The following KCNQ5 variants were observed in gnomAD, a reference collection of about 807,000 sequenced individuals.
KCNQ5 encodes potassium voltage-gated channel subfamily Q member 5.
Under a neutral mutation model 98.2 loss-of-function variants are expected in KCNQ5, and 30 were observed. The ratio of observed to expected loss-of-function variants is 0.31; its 90% CI spans 0.23 to 0.41. The LOEUF is 0.41. Ranked by LOEUF, KCNQ5 falls within the 10% of genes least tolerant of loss-of-function variation. KCNQ5 has a pLI of 1.00. For synonymous variants in KCNQ5, 458 were observed against 449.4 expected (o/e 1.02, Z -0.24); for missense variants, 835 against 1,182.5 (o/e 0.71, Z 4.31).
At chr6:72,891,160 A>G (rs999607406) in intron 1 of KCNQ5, among the ~76,000 whole-genome samples, 1 of 152,232 alleles carries the variant, frequency 6.6e-6, no homozygotes, top group African/African-American at 2.4e-5. Flanking sequence ...GTGCTCACCA[A>G]TAACAAATCA....
intron 1 of KCNQ5, among the ~76,000 whole-genome samples, chr6:72,794,717 T>C (rs60456346): frequency 0.032 from 4,863 of 152,256 alleles, 248 homozygotes; most frequent in African/African-American, 0.11. Flanking sequence ...TCATCTCTTT[T>C]TTTATTGACC....
intron 8 of KCNQ5, 50 bp downstream of exon 8, chr6:73,120,627 G>T: frequency 7.9e-7 from 1 of 1,266,378 alleles, no homozygotes; most frequent in Non-Finnish European, 1.1e-6. Context: ...TTTCAAGTCT[G>T]TTAAACAAAC....
intron 1 of KCNQ5, among the ~76,000 whole-genome samples, chr6:72,804,489 G>T (rs1028418033): frequency 2.0e-5 from 3 of 151,956 alleles, no homozygotes; most frequent in Non-Finnish European, 2.9e-5. Context: ...CTATGTTGTT[G>T]CAAATGACAG....
intron 1 of KCNQ5, among the ~76,000 whole-genome samples, chr6:72,843,849 A>C (rs1776908233): frequency 6.6e-6 from 1 of 152,210 alleles, no homozygotes; most frequent in East Asian, 1.9e-4. Context: ...ATGGAATACT[A>C]TGCAGCATAA....
intron 1 of KCNQ5, among the ~76,000 whole-genome samples, chr6:72,785,465 AT>A: frequency 6.6e-6 from 1 of 152,218 alleles, no homozygotes; most frequent in South Asian, 2.1e-4. Flanking sequence ...CCTGTCCAAC[AT>A]AGTGATACCC....
At chr6:73,120,735 C>T (rs1318748861) in intron 8 of KCNQ5, among the ~76,000 whole-genome samples, 158 bp downstream of exon 8, 1 of 152,170 alleles carries the variant, frequency 6.6e-6, no homozygotes, top group African/African-American at 2.4e-5. Context: ...AGTTCTGGCA[C>T]AAAACTAAAT....
chr6:73,108,842 TA>T (rs1233252481), intron 6 of KCNQ5, among the ~76,000 whole-genome samples: 2 of 151,674 alleles, frequency 1.3e-5, no homozygotes, highest in Non-Finnish European at 2.9e-5. Flanking sequence ...AAATAAAAAA[TA>T]AAAAAAATAG....
chr6:72,671,918 A>T (rs1767130405), intron 1 of KCNQ5, among the ~76,000 whole-genome samples: 1 of 151,098 alleles, frequency 6.6e-6, no homozygotes. Context: ...CCAGGTTCAC[A>T]CCATTCTCCT....
intron 10 of KCNQ5, among the ~76,000 whole-genome samples, chr6:73,159,998 T>TTTGG (rs1777547213): frequency 1.2e-5 from 1 of 86,486 alleles, no homozygotes. Flanking sequence ...GTTTTTTTTG[T>TTTGG]TTGTTTGTTT....
chr6:73,107,125 G>A (rs1226257306), intron 6 of KCNQ5, among the ~76,000 whole-genome samples: 1 of 152,096 alleles, frequency 6.6e-6, no homozygotes, highest in Non-Finnish European at 1.5e-5. Context: ...CAAAATAATG[G>A]CACAAAATAA....
intron 1 of KCNQ5, among the ~76,000 whole-genome samples, chr6:72,812,512 C>A (rs1291052348): frequency 6.6e-6 from 1 of 152,148 alleles, no homozygotes; most frequent in Non-Finnish European, 1.5e-5. Flanking sequence ...AATGGCAAAA[C>A]CTCTGTGTAC....
At chr6:72,985,944 G>A (rs1051935537) in intron 1 of KCNQ5, among the ~76,000 whole-genome samples, 2 of 152,146 alleles carry the variant, frequency 1.3e-5, no homozygotes, top group African/African-American at 4.8e-5. Flanking sequence ...TAAAGAAAAT[G>A]TGGAGGCTAG....
At chr6:73,175,369 C>T (rs576298792) in intron 11 of KCNQ5, among the ~76,000 whole-genome samples, 10 of 150,762 alleles carry the variant, frequency 6.6e-5, no homozygotes, top group Admixed American at 1.3e-4. Context: ...AGGCTGGTCT[C>T]GAACTCTCGA....
intron 1 of KCNQ5, among the ~76,000 whole-genome samples, chr6:72,883,562 A>G (rs1206498518): frequency 6.6e-6 from 1 of 152,206 alleles, no homozygotes; most frequent in Non-Finnish European, 1.5e-5. Context: ...TACACTTGGG[A>G]TGGAGCTGAC....
At chr6:72,649,227 AC>A (rs1374068974) in intron 1 of KCNQ5, among the ~76,000 whole-genome samples, 1 of 152,152 alleles carries the variant, frequency 6.6e-6, no homozygotes, top group African/African-American at 2.4e-5. Context: ...AAGGTTCTAA[AC>A]AGTTTTGGAT....
At chr6:72,726,622 C>G (rs758621723) in intron 1 of KCNQ5, among the ~76,000 whole-genome samples, 6 of 152,086 alleles carry the variant, frequency 3.9e-5, no homozygotes, top group Non-Finnish European at 8.8e-5. Flanking sequence ...TGAAAGGTGA[C>G]TGCCAGTGCA....
intron 10 of KCNQ5, among the ~76,000 whole-genome samples, chr6:73,157,235 A>G (rs1249358639): frequency 1.3e-5 from 2 of 152,260 alleles, no homozygotes; most frequent in African/African-American, 4.8e-5. Context: ...GCAGGGTCCA[A>G]GTGATCCTCC....
At chr6:72,988,231 G>A (rs1394027167) in intron 1 of KCNQ5, among the ~76,000 whole-genome samples, 2 of 152,146 alleles carry the variant, frequency 1.3e-5, no homozygotes, top group Non-Finnish European at 2.9e-5. Flanking sequence ...TGAAATGGGT[G>A]CTATTATTAT....
intron 2 of KCNQ5, among the ~76,000 whole-genome samples, chr6:73,034,860 T>A (rs9446825): frequency 0.44 from 55,209 of 125,646 alleles, 7,813 homozygotes; most frequent in South Asian, 0.54. Flanking sequence ...TTTTTTTTTT[T>A]TTTGAGACAG....
Sources: gnomAD v4.1 joint callset for allele counts (sites outside exome capture counted in the v4.1 genomes callset) on GRCh38, gnomAD v4.1.1 for gene constraint, MANE v1.5 for transcripts, NCBI Gene and HGNC (gene_info 2026-07-23, HGNC 2026-07-21) for gene names.